The following DOP1B variants were observed in gnomAD, a reference collection of about 807,000 sequenced individuals.
DOP1B encodes DOP1 leucine zipper like protein B.
A neutral mutation model predicts 233.5 loss-of-function variants in DOP1B; 174 were observed. The ratio of observed to expected loss-of-function variants is 0.75; its 90% CI spans 0.66 to 0.85. The LOEUF (loss-of-function observed/expected upper bound fraction) is 0.85, where lower values mean the gene tolerates loss of function less well. Among genes scored for constraint, DOP1B ranks in the 40% least tolerant of loss-of-function variants. DOP1B has a pLI of 0.00. For synonymous variants in DOP1B, 1,190 were observed against 1,185.6 expected, an observed-to-expected ratio of 1.00 and a Z score of -0.08; for missense variants, 2,652 against 2,846.6, an observed-to-expected ratio of 0.93 and a Z score of 1.56.
chr21:36,194,529 C>G (rs2066267742), intron 2 of DOP1B, among the ~76,000 whole-genome samples: 1 of 141,416 alleles, frequency 7.1e-6, no homozygotes, highest in African/African-American at 2.6e-5. Flanking sequence ...CTCTGTCACT[C>G]AGGCTGGAGT....
At chr21:36,233,188 T>C in intron 15 of DOP1B, 113 bp downstream of exon 15, 1 of 1,332,168 alleles carries the variant, frequency 7.5e-7, no homozygotes, top group Non-Finnish European at 1.0e-6. Flanking sequence ...AGTGATATTC[T>C]ATAGGGCACT....
chr21:36,199,347 T>C, intron 3 of DOP1B, 96 bp downstream of exon 3: 1 of 1,462,790 alleles, frequency 6.8e-7, no homozygotes, highest in Admixed American at 2.2e-5. Context: ...AAAATAAGCG[T>C]AGGGCTGTGT....
intron 11 of DOP1B, 97 bp from the exon 12 acceptor site, chr21:36,225,468 C>G: frequency 1.5e-6 from 2 of 1,332,970 alleles, no homozygotes; most frequent in Non-Finnish European, 1.1e-6. Context: ...TGAGCTCAGA[C>G]AGTCCACCCA....
chr21:36,257,586 C>T (rs537085089), intron 23 of DOP1B, among the ~76,000 whole-genome samples: 37 of 149,070 alleles, frequency 2.5e-4, no homozygotes, highest in African/African-American at 6.7e-4. Context: ...TAGGTTGATA[C>T]GTAGATAGAT....
rs774609126 is a variant in DOP1B at position 36,289,127 on chromosome 21, C to T, written c.6436C>T (p.Leu2146Phe). The change falls in exon 35 of 37, where the codon CTC becomes TTC. Residue 2146 changes from leucine (L) to phenylalanine (F), a missense_variant. Leu to Phe is a conservative substitution (Grantham distance 22). Transcript: ENST00000691173. ...PSVGEIPQSE[L>F]ILYLSACKFL... ...AGTGGGGGAGATACCCCAGAGTGAACTCATCTTGTATTTATCAGCTTGCAA... is the reference window on the plus strand; with the variant it reads ...AGTGGGGGAGATACCCCAGAGTGAATTCATCTTGTATTTATCAGCTTGCAA... 1.1e-5 allele frequency: 17 copies of T among 1,613,988 alleles called. No individual in the cohort carries two copies. The highest frequency in any genetic ancestry group is 5.0e-5 in the Admixed American group (3 of 59,980).
At chr21:36,195,349 A>G (rs1338370578) in intron 2 of DOP1B, among the ~76,000 whole-genome samples, 2 of 146,384 alleles carry the variant, frequency 1.4e-5, no homozygotes, top group African/African-American at 5.2e-5. Context: ...TCAAAAAAAA[A>G]AAAAAAAAAA....
In DOP1B at chr21:36,245,696, G is replaced by A. The variant is rs139303926; in HGVS notation, c.3716G>A (p.Arg1239Gln). The change falls in exon 19 of 37, where the codon CGG becomes CAG. Residue 1239 changes from arginine (R) to glutamine (Q), a missense_variant. By Grantham distance (43) the Arg-to-Gln change is conservative. Coordinates refer to ENST00000691173, the MANE Select transcript of DOP1B (RefSeq NM_001320714.2). This position sits in a 1 kb window ranked among gnomAD's most constrained non-coding sequence, Gnocchi z 5.5. ...LLYLQPYDSRRVLYAFSVLEA... is the reference protein window; with the variant it reads ...LLYLQPYDSRQVLYAFSVLEA... ...TACCTGCAGCCCTACGACTCTCGGC[G>A]GGTCCTCTATGCCTTCTCGGTGCTG... The A allele has an allele frequency of 4.3e-6, 7 of 1,613,734 alleles. No individual in the cohort carries two copies. Among genetic ancestry groups the A allele is most frequent in the South Asian group, 1.1e-5 (1 of 91,072 alleles).
chr21:36,213,608 T>C (rs993434458), intron 7 of DOP1B, among the ~76,000 whole-genome samples: 1 of 150,194 alleles, frequency 6.7e-6, no homozygotes, highest in Non-Finnish European at 1.5e-5. Flanking sequence ...CTGGCCAACA[T>C]GCTGAAACCC....
intron 35 of DOP1B, among the ~76,000 whole-genome samples, chr21:36,289,832 C>G (rs969387653): frequency 2.6e-5 from 4 of 152,166 alleles, no homozygotes; most frequent in African/African-American, 4.8e-5. Flanking sequence ...ATGTGACATT[C>G]TGGAAAAGGC....
chr21:36,195,752 A>T (rs1029662514), intron 2 of DOP1B, among the ~76,000 whole-genome samples: 2 of 152,258 alleles, frequency 1.3e-5, no homozygotes, highest in African/African-American at 4.8e-5. Flanking sequence ...ATATGAAAAG[A>T]GATCTATCAG....
At chr21:36,178,097 C>G (rs1414520849) in intron 2 of DOP1B, among the ~76,000 whole-genome samples, 1 of 152,076 alleles carries the variant, frequency 6.6e-6, no homozygotes, top group East Asian at 1.9e-4. Flanking sequence ...AGTCTTAACC[C>G]CAGTGTAGCT....
At chr21:36,227,544 C>CAA (rs11431401) in intron 12 of DOP1B, 142 bp from the exon 13 acceptor site, 1,006 of 712,102 alleles carry the variant, frequency 1.4e-3, no homozygotes, top group South Asian at 2.7e-3. Context: ...AAGACTCTGT[C>CAA]AAAAAAAAAG....
At chr21:36,263,928 C>T in intron 26 of DOP1B, 114 bp downstream of exon 26, 2 of 1,080,610 alleles carry the variant, frequency 1.9e-6, no homozygotes, top group Non-Finnish European at 2.8e-6. Flanking sequence ...CTGAGGTTAG[C>T]TTTGCACTTG....
At chr21:36,164,997 A>G (rs1434519715) in intron 2 of DOP1B, 126 bp downstream of exon 2, 5 of 786,170 alleles carry the variant, frequency 6.4e-6, no homozygotes, top group Non-Finnish European at 6.8e-6. Context: ...CATATTATAC[A>G]GTATAATCTT....
intron 2 of DOP1B, among the ~76,000 whole-genome samples, chr21:36,185,289 C>G (rs533215497): frequency 5.9e-5 from 9 of 152,118 alleles, no homozygotes; most frequent in African/African-American, 1.9e-4. Flanking sequence ...AAGGTGTAGA[C>G]TGTGTTCTGA....
In DOP1B at chr21:36,230,659, G is replaced by T. The variant is rs1313850686; in HGVS notation, c.1875G>T (p.Arg625Ser). ...GGAAGAAGGGCGGGAGCATGCAGAG[G>T]ACGTTTCTTTGCATCCAAGAGCTAA... Reference protein sequence around the residue: ...DVWKKGGSMQRTFLCIQELIA... With the variant: ...DVWKKGGSMQSTFLCIQELIA... Residue 625 changes from arginine (R) to serine (S), a missense_variant, in exon 14 of 37, where the codon AGG (arginine) becomes AGT (serine). By Grantham distance (110) the Arg-to-Ser change is moderately radical. This residue lies in a region of DOP1B where 2,617 missense variants were observed against 2,794.3 expected (regional missense o/e 0.94). Transcript: ENST00000691173. The T allele has an allele frequency of 6.2e-7, 1 of 1,614,208 alleles. No individual in the cohort carries two copies. Among genetic ancestry groups the T allele is most frequent in the Non-Finnish European group, 8.5e-7 (1 of 1,180,048 alleles).
Position 36,292,251 on chromosome 21 carries a change from C to CT in DOP1B, c.6645+22dup, listed in dbSNP as rs758803291. On this transcript the variant is annotated intron_variant, in intron 36 of 36. Coordinates refer to ENST00000691173, the MANE Select transcript of DOP1B (RefSeq NM_001320714.2). ...AGTTTGGGGTAAGTGCTTTTCTTTT[C>CT]TTTTCTTTTTTTTTTTTTTTGGTGA... is the stretch of plus-strand genomic sequence containing the variant. 10 of 1,408,352 alleles carry CT rather than the reference C, an allele frequency of 7.1e-6. No individual in the cohort carries two copies. Among genetic ancestry groups the CT allele is most frequent in the East Asian group, 2.6e-5 (1 of 39,006 alleles). The allele number at this position is 1,408,352 out of a possible 1,614,324, so 87.2% of individuals were successfully genotyped here.
intron 23 of DOP1B, among the ~76,000 whole-genome samples, chr21:36,254,337 AG>A (rs1161297196): frequency 6.6e-6 from 1 of 152,158 alleles, no homozygotes; most frequent in African/African-American, 2.4e-5. Context: ...CACTGCGGTA[AG>A]GGAAAGTGTT....
intron 2 of DOP1B, among the ~76,000 whole-genome samples, chr21:36,173,644 C>G (rs995306114): frequency 1.3e-5 from 2 of 151,898 alleles, no homozygotes; most frequent in Non-Finnish European, 2.9e-5. Context: ...AGGATAGTCT[C>G]GATCTCCTGA....
Sources: gnomAD v4.1 joint callset for allele counts (sites outside exome capture counted in the v4.1 genomes callset) on GRCh38, gnomAD v4.1.1 for gene constraint, gnomAD v4.1.1 regional missense constraint, Gnocchi (gnomAD v3.1) non-coding constraint, MANE v1.5 for transcripts, NCBI Gene and HGNC (gene_info 2026-07-23, HGNC 2026-07-21) for gene names.